The following ALDH9A1 variants were observed in gnomAD, a reference collection of about 807,000 sequenced individuals.
The protein encoded by ALDH9A1 is aldehyde dehydrogenase 9 family member A1.
Under a neutral mutation model 56.6 loss-of-function variants are expected in ALDH9A1, and 42 were observed. That is an observed-to-expected ratio of 0.74 (90% CI 0.58 to 0.96). The LOEUF (loss-of-function observed/expected upper bound fraction) is 0.96, where lower values mean the gene tolerates loss of function less well. Ranked by LOEUF, ALDH9A1 falls within the 40% of genes least tolerant of loss-of-function variation. ALDH9A1 has a pLI of 0.00. For missense variants in ALDH9A1, 661 were observed against 651.5 expected (o/e 1.01, Z -0.16); for synonymous variants, 242 against 236.0 (o/e 1.03, Z -0.23).
chr1:165,684,256 C>T (rs1372581224), intron 2 of ALDH9A1, among the ~76,000 whole-genome samples: 2 of 152,176 alleles, frequency 1.3e-5, no homozygotes, highest in African/African-American at 2.4e-5. Flanking sequence ...CTGTCTACCC[C>T]TTTAAGAGCT....
chr1:165,674,210 T>A (rs1397932694), intron 6 of ALDH9A1, among the ~76,000 whole-genome samples: 4 of 146,424 alleles, frequency 2.7e-5, no homozygotes, highest in African/African-American at 7.6e-5. Context: ...TAGCATACGA[T>A]CAAGAAATAA....
intron 2 of ALDH9A1, among the ~76,000 whole-genome samples, chr1:165,686,385 C>G (rs1385113783): frequency 6.6e-6 from 1 of 151,998 alleles, no homozygotes; most frequent in African/African-American, 2.4e-5. Context: ...TTCTTCAAGA[C>G]TGAGTGTGGA....
At chr1:165,684,069 T>A (rs1407060342) in intron 2 of ALDH9A1, among the ~76,000 whole-genome samples, 1 of 152,028 alleles carries the variant, frequency 6.6e-6, no homozygotes, top group Non-Finnish European at 1.5e-5. Context: ...CAAGCATCTA[T>A]CCACAGTACA....
At chr1:165,674,516 G>A (rs180763101) in intron 6 of ALDH9A1, among the ~76,000 whole-genome samples, 5 of 151,366 alleles carry the variant, frequency 3.3e-5, no homozygotes, top group Admixed American at 2.0e-4. Flanking sequence ...GAGAAACCCC[G>A]TCTCTACTAA....
chr1:165,683,155 G>A lies in ALDH9A1; in HGVS notation c.328-45C>T, dbSNP rs760627182. On this transcript the variant is annotated intron_variant, in intron 2 of 10. Transcript: ENST00000354775. ...CTAGATTTAAGACATATTCCAATAT[G>A]TCTTGATGTAATTAATGCTTAAATA... 5.0e-6 allele frequency: 8 copies of A among 1,590,808 alleles called. No homozygotes were observed. The South Asian group carries it at 7.7e-5, about 15-fold the overall frequency.
At chr1:165,684,752 G>GCTTACA (rs2101750475) in intron 2 of ALDH9A1, among the ~76,000 whole-genome samples, 1 of 152,286 alleles carries the variant, frequency 6.6e-6, no homozygotes, top group South Asian at 2.1e-4. Context: ...ACACGGTTCT[G>GCTTACA]CTTACACTTT....
intron 6 of ALDH9A1, among the ~76,000 whole-genome samples, chr1:165,670,754 A>G (rs957892086): frequency 3.9e-5 from 6 of 152,188 alleles, no homozygotes; most frequent in African/African-American, 1.4e-4. Flanking sequence ...TGAGTTTTGA[A>G]AAAGACGTTC....
At chr1:165,683,868 A>G (rs1403391028) in intron 2 of ALDH9A1, among the ~76,000 whole-genome samples, 6 of 152,230 alleles carry the variant, frequency 3.9e-5, no homozygotes, top group Admixed American at 3.9e-4. Context: ...TTTGGTCTAA[A>G]GGACATAAAA....
At chr1:165,697,630 C>T (rs1303985295) in intron 1 of ALDH9A1, among the ~76,000 whole-genome samples, 1 of 152,172 alleles carries the variant, frequency 6.6e-6, no homozygotes, top group Non-Finnish European at 1.5e-5. Context: ...TTCCTTCATT[C>T]CCAGCACAAA....
At chr1:165,684,720 A>C (rs760683293) in intron 2 of ALDH9A1, among the ~76,000 whole-genome samples, 1 of 152,218 alleles carries the variant, frequency 6.6e-6, no homozygotes, top group Non-Finnish European at 1.5e-5. Flanking sequence ...CAGGGAAGAG[A>C]TATTACACTG....
chr1:165,695,074 T>A (rs1349160932), intron 2 of ALDH9A1, among the ~76,000 whole-genome samples, 178 bp downstream of exon 2: 2 of 152,062 alleles, frequency 1.3e-5, no homozygotes, highest in Admixed American at 1.3e-4. Context: ...AGAGCCAACA[T>A]CCAGATGGGA....
chr1:165,665,554 G>A (rs1175299440), intron 9 of ALDH9A1, among the ~76,000 whole-genome samples: 1 of 152,074 alleles, frequency 6.6e-6, no homozygotes, highest in Non-Finnish European at 1.5e-5. Flanking sequence ...ATGACCGTGG[G>A]TCAGGGAAAG....
At chr1:165,665,201 A>G in intron 9 of ALDH9A1, 71 bp from the exon 10 acceptor site, 1 of 1,186,078 alleles carries the variant, frequency 8.4e-7, no homozygotes, top group Non-Finnish European at 1.2e-6. Flanking sequence ...GAAAAGTTAC[A>G]CTGCCAGTTC....
chr1:165,671,458 C>T (rs1649177096), intron 6 of ALDH9A1: 1 of 447,694 alleles, frequency 2.2e-6, no homozygotes, highest in African/African-American at 2.0e-5. Context: ...CATGATGCTG[C>T]ACAAGTACGA....
intron 6 of ALDH9A1, among the ~76,000 whole-genome samples, chr1:165,670,683 CAATT>C (rs1169956847): frequency 1.3e-5 from 2 of 152,134 alleles, no homozygotes; most frequent in African/African-American, 4.8e-5. Flanking sequence ...AAACTCTTAA[CAATT>C]AATGGAAAAT....
chr1:165,669,756 A>G (rs1649119613), intron 6 of ALDH9A1, among the ~76,000 whole-genome samples: 1 of 152,100 alleles, frequency 6.6e-6, no homozygotes, highest in African/African-American at 2.4e-5. Context: ...CTACTTCCTC[A>G]TATCAGGGCT....
chr1:165,662,891 G>A lies in ALDH9A1; in HGVS notation c.*159C>T. The A allele has an allele frequency of 1.6e-6, 1 of 626,400 alleles. No homozygotes were observed. Among genetic ancestry groups the A allele is most frequent in the Non-Finnish European group, 2.8e-6 (1 of 351,006 alleles). 38.8% of individuals were successfully genotyped at this position (626,400 alleles called of 1,614,324 possible). On this transcript the variant is annotated 3_prime_UTR_variant, in exon 11 of 11. Transcript: ENST00000354775. ...GCACTTAATGCACATTTTCAGTGAG[G>A]AAGCTGATGGAGAGAGAAAGAGTAA...
intron 2 of ALDH9A1, among the ~76,000 whole-genome samples, chr1:165,692,285 C>T (rs1432041993): frequency 2.6e-5 from 4 of 152,164 alleles, no homozygotes; most frequent in Non-Finnish European, 4.4e-5. Context: ...TCCCTGTTTG[C>T]AGATGACATG....
chr1:165,685,839 G>A (rs756696952), intron 2 of ALDH9A1, among the ~76,000 whole-genome samples: 7 of 152,110 alleles, frequency 4.6e-5, no homozygotes, highest in Non-Finnish European at 1.0e-4. Flanking sequence ...CCTGGGCCAG[G>A]GCTGGAGGCA....
Sources: gnomAD v4.1 joint callset for allele counts (sites outside exome capture counted in the v4.1 genomes callset) on GRCh38, gnomAD v4.1.1 for gene constraint, MANE v1.5 for transcripts, NCBI Gene and HGNC (gene_info 2026-07-23, HGNC 2026-07-21) for gene names.